CIMIP6: variants seen among roughly 807,000 people sequenced by gnomAD.
The protein encoded by CIMIP6 is uncharacterized protein C2orf73.
At chr2:54,378,697 AAAGAAGT>A in the CIMIP6 span, among the ~76,000 whole-genome samples, 2 of 152,208 alleles carry the variant, frequency 1.3e-5, no homozygotes, top group Non-Finnish European at 2.9e-5. Flanking sequence ...CCATACAGAA[AAAGAAGT>A]ATTCAACCAA....
At chr2:54,347,118 AAG>A in the CIMIP6 span, among the ~76,000 whole-genome samples, 1 of 149,354 alleles carries the variant, frequency 6.7e-6, no homozygotes, top group African/African-American at 2.6e-5. Flanking sequence ...AAATCTGAAT[AAG>A]AAAAGAAAAC....
the CIMIP6 span, among the ~76,000 whole-genome samples, chr2:54,364,614 T>A: frequency 6.6e-6 from 1 of 152,206 alleles, no homozygotes; most frequent in Admixed American, 6.5e-5. Context: ...AGTTTCTCAA[T>A]AACCGGTCCA....
the CIMIP6 span, among the ~76,000 whole-genome samples, chr2:54,337,116 GCCAGTGTCAGCCTCCTCCTACT>G: frequency 6.6e-6 from 1 of 152,222 alleles, no homozygotes; most frequent in African/African-American, 2.4e-5. Context: ...AGACCACTGT[GCCAGTGTCAGCCTCCTCCTACT>G]CCACTTCTTT....
the CIMIP6 span, among the ~76,000 whole-genome samples, chr2:54,341,453 T>C: frequency 1.3e-5 from 2 of 152,208 alleles, no homozygotes; most frequent in African/African-American, 2.4e-5. Context: ...TGTGAGCCAG[T>C]AAATTTCTGA....
chr2:54,373,804 T>G, the CIMIP6 span, among the ~76,000 whole-genome samples: 1 of 152,170 alleles, frequency 6.6e-6, no homozygotes, highest in African/African-American at 2.4e-5. Context: ...GAGTTAGGGC[T>G]TTGCCTGCTT....
the CIMIP6 span, among the ~76,000 whole-genome samples, chr2:54,336,154 G>C: frequency 2.6e-5 from 4 of 152,124 alleles, no homozygotes; most frequent in Non-Finnish European, 4.4e-5. Context: ...CCCTTATATA[G>C]TGTATAATTC....
the CIMIP6 span, among the ~76,000 whole-genome samples, chr2:54,333,130 C>A: frequency 9.0e-4 from 137 of 152,238 alleles, no homozygotes; most frequent in South Asian, 6.8e-3. Context: ...TGATGTTGGG[C>A]ACATGGTGAA....
the CIMIP6 span, among the ~76,000 whole-genome samples, chr2:54,368,147 T>C: frequency 6.6e-6 from 1 of 152,216 alleles, no homozygotes; most frequent in Admixed American, 6.5e-5. Context: ...ATTTGGTTCT[T>C]CTGTAAAAAC....
At chr2:54,384,050 T>C in the CIMIP6 span, among the ~76,000 whole-genome samples, 2 of 152,308 alleles carry the variant, frequency 1.3e-5, no homozygotes, top group East Asian at 3.9e-4. Flanking sequence ...TCTTTATAAA[T>C]TACCCAGTCT....
the CIMIP6 span, among the ~76,000 whole-genome samples, chr2:54,371,639 T>C: frequency 6.6e-6 from 1 of 152,200 alleles, no homozygotes; most frequent in Non-Finnish European, 1.5e-5. Context: ...TTGCTTCTAG[T>C]AAATTTCAGA....
the CIMIP6 span, among the ~76,000 whole-genome samples, chr2:54,384,089 G>A: frequency 1.2e-3 from 181 of 152,232 alleles, no homozygotes; most frequent in African/African-American, 4.1e-3. Context: ...AGCACAAACC[G>A]GACTAAGACA....
the CIMIP6 span, among the ~76,000 whole-genome samples, chr2:54,371,713 T>C: frequency 6.6e-6 from 1 of 152,214 alleles, no homozygotes; most frequent in East Asian, 1.9e-4. Flanking sequence ...ACAGCTTCAG[T>C]GCCAGAAACA....
the CIMIP6 span, among the ~76,000 whole-genome samples, chr2:54,368,418 A>G: frequency 1.3e-5 from 2 of 152,256 alleles, no homozygotes; most frequent in Non-Finnish European, 2.9e-5. Context: ...GTCTGCTTGC[A>G]GTCTCCTCCA....
chr2:54,359,158 TTC>T, the CIMIP6 span: 1 of 800,994 alleles, frequency 1.2e-6, no homozygotes, highest in Non-Finnish European at 2.0e-6. Flanking sequence ...ATAATTATCT[TTC>T]TGTCTATTTA....
the CIMIP6 span, chr2:54,360,226 A>C: frequency 6.3e-7 from 1 of 1,598,270 alleles, no homozygotes; most frequent in Admixed American, 1.8e-5. Flanking sequence ...TTGTACAGAG[A>C]GAGATAAAAC....
At chr2:54,357,737 C>G in the CIMIP6 span, among the ~76,000 whole-genome samples, 2 of 131,494 alleles carry the variant, frequency 1.5e-5, no homozygotes, top group African/African-American at 5.6e-5. Flanking sequence ...CCACCACGCC[C>G]AGCTAATTTT....
the CIMIP6 span, among the ~76,000 whole-genome samples, chr2:54,358,350 TTA>T: frequency 6.6e-6 from 1 of 152,222 alleles, no homozygotes; most frequent in Non-Finnish European, 1.5e-5. Context: ...CAAATTATAG[TTA>T]TGTTTTCCCT....
At chr2:54,353,273 G>T in the CIMIP6 span, among the ~76,000 whole-genome samples, 1 of 152,116 alleles carries the variant, frequency 6.6e-6, no homozygotes, top group South Asian at 2.1e-4. Flanking sequence ...TTAAACAACC[G>T]TCCCTGATTG....
the CIMIP6 span, among the ~76,000 whole-genome samples, chr2:54,346,155 T>G: frequency 1.3e-5 from 2 of 152,202 alleles, no homozygotes; most frequent in Admixed American, 1.3e-4. Flanking sequence ...TGCTGTTTAG[T>G]AGTTTTCAAC....
Sources: allele counts gnomAD v4.1 joint callset (sites outside exome capture counted in the v4.1 genomes callset), GRCh38; gene constraint gnomAD v4.1.1; transcripts MANE v1.5; gene names NCBI Gene and HGNC (gene_info 2026-07-23, HGNC 2026-07-21).